Variants in GLP1R observed in about 807,000 individuals in gnomAD.
GLP1R encodes the protein glucagon like peptide 1 receptor.
In GLP1R, 32 loss-of-function variants were observed where a neutral mutation model predicts 68.4. The ratio of observed to expected loss-of-function variants is 0.47; its 90% CI spans 0.35 to 0.63. The LOEUF (loss-of-function observed/expected upper bound fraction) is 0.63, where lower values mean the gene tolerates loss of function less well. Among genes scored for constraint, GLP1R ranks in the 20% least tolerant of loss-of-function variants. The pLI is 0.00. For missense variants in GLP1R, 502 were observed against 594.9 expected, an observed-to-expected ratio of 0.84 and a Z score of 1.62; for synonymous variants, 263 against 244.4, an observed-to-expected ratio of 1.08 and a Z score of -0.71.
chr6:39,054,303 C>T (rs929114669), intron 1 of GLP1R, among the ~76,000 whole-genome samples: 5 of 151,954 alleles, frequency 3.3e-5, no homozygotes, highest in African/African-American at 1.2e-4. Flanking sequence ...AAATACGAGG[C>T]GTGGGAGAGG....
chr6:39,090,074 G>A lies in GLP1R; in HGVS notation c.*4001G>A, dbSNP rs1454307726. Among the ~76,000 whole-genome samples, 7 of 152,192 alleles carry A rather than the reference G, an allele frequency of 4.6e-5. No individual in the cohort carries two copies. The East Asian group carries it at 9.6e-4, about 21-fold the overall frequency. On this transcript the variant is annotated 3_prime_UTR_variant, in exon 13 of 13. Transcript: ENST00000373256. Reference sequence around the variant, plus strand: ...ATGAGTTCCCCTGGGAAAGAAAATCGCCCAAGTGAGAAACTTATGCCAACC... The same window carrying A: ...ATGAGTTCCCCTGGGAAAGAAAATCACCCAAGTGAGAAACTTATGCCAACC...
In GLP1R at chr6:39,079,714, C is replaced by T. The variant is rs1304097259; in HGVS notation, c.1182+12C>T. 1.2e-6 allele frequency: 2 copies of T among 1,609,284 alleles called. No individual in the cohort carries two copies. The highest frequency in any genetic ancestry group is 8.5e-7 in the Non-Finnish European group (1 of 1,176,418). ...TCACCTCCTTCCAGGTGACTTCATG[C>T]TTGGGGACACTTGCTTGTAAAGTCC... On this transcript the variant is annotated intron_variant, in intron 11 of 12. Transcript: ENST00000373256. The surrounding 1 kb of genome is among the most constrained non-coding windows in gnomAD (Gnocchi z 4.5).
chr6:39,081,103 A>T (rs1331868331), intron 12 of GLP1R, among the ~76,000 whole-genome samples: 1 of 151,734 alleles, frequency 6.6e-6, no homozygotes, highest in Non-Finnish European at 1.5e-5. Flanking sequence ...GGCTTTAATA[A>T]TCACTATCTC....
intron 2 of GLP1R, 80 bp downstream of exon 2, chr6:39,056,573 T>C (rs1750881957): frequency 4.0e-6 from 3 of 750,234 alleles, no homozygotes; most frequent in South Asian, 1.6e-5. Context: ...TCAATGTCCA[T>C]GGCTGGGAGC....
Position 39,086,182 on chromosome 6 carries a change from C to T in GLP1R, c.*109C>T, listed in dbSNP as rs1418319687. On this transcript the variant is annotated 3_prime_UTR_variant, in exon 13 of 13. Coordinates refer to ENST00000373256, the MANE Select transcript of GLP1R (RefSeq NM_002062.5). The surrounding 1 kb of genome is among the most constrained non-coding windows in gnomAD (Gnocchi z 4.5). ...GAAGGAAGGGACACACACACACACA[C>T]ACACACACACACACACACACACATA... is the stretch of plus-strand genomic sequence containing the variant. 23 of 703,156 alleles carry T rather than the reference C, an allele frequency of 3.3e-5. 1 individual carries two copies. Among genetic ancestry groups the T allele is most frequent in the African/African-American group, 5.4e-5 (3 of 55,670 alleles). The allele number at this position is 703,156 out of a possible 1,614,324, so 43.6% of individuals were successfully genotyped here. A position where few individuals can be genotyped will look rare whatever the true frequency, so the allele number is the denominator to read the frequency against.
At position 39,079,456 on chromosome 6, in the gene GLP1R, C is replaced by T; in HGVS notation, c.1044-108C>T. 8.6e-7 allele frequency: 1 copy of T among 1,169,366 alleles called. No homozygotes were observed. Among genetic ancestry groups the T allele is most frequent in the Non-Finnish European group, 1.2e-6 (1 of 826,044 alleles). The allele number at this position is 1,169,366 out of a possible 1,614,324, so 72.4% of individuals were successfully genotyped here. On this transcript the variant is annotated intron_variant, in intron 10 of 12. Coordinates refer to ENST00000373256, the MANE Select transcript of GLP1R (RefSeq NM_002062.5). The surrounding 1 kb of genome is among the most constrained non-coding windows in gnomAD (Gnocchi z 4.5). ...AGGGTATTTGGGGTGGGAGAACATC[C>T]ATGACCCAGATATCAGGACTTGGTA...
In GLP1R at chr6:39,049,042, G is replaced by A. The variant is rs1768027021; in HGVS notation, c.78+124G>A. The stretch of plus-strand genomic sequence containing the variant: ...TCCGAGACCGCTGGCGGGGGCATCC[G>A]AAAGCCTCGGGGGGAGTAGGGACTG... On this transcript the variant is annotated intron_variant, in intron 1 of 12. Transcript: ENST00000373256. This position sits in a 1 kb window ranked among gnomAD's most constrained non-coding sequence, Gnocchi z 4.5. 2.0e-6 allele frequency: 1 copy of A among 491,774 alleles called. No individual in the cohort carries two copies. Among genetic ancestry groups the A allele is most frequent in the Non-Finnish European group, 3.5e-6 (1 of 282,922 alleles). The allele number at this position is 491,774 out of a possible 1,614,324, so 30.5% of individuals were successfully genotyped here.
At chr6:39,083,128 C>T (rs1231456533) in intron 12 of GLP1R, among the ~76,000 whole-genome samples, 1 of 152,202 alleles carries the variant, frequency 6.6e-6, no homozygotes, top group Non-Finnish European at 1.5e-5. Flanking sequence ...ACCTCTCTGA[C>T]CAGGCCTGGC....
intron 12 of GLP1R, among the ~76,000 whole-genome samples, chr6:39,084,831 G>A (rs537754925): frequency 6.6e-6 from 1 of 152,312 alleles, no homozygotes; most frequent in East Asian, 1.9e-4. Flanking sequence ...ATAGCTGGAT[G>A]GACGACAAAG....
Position 39,079,214 on chromosome 6 carries a change from G to A in GLP1R, c.1043+14G>A, listed in dbSNP as rs984860594. Reference sequence around the variant, plus strand: ...CATCAAATGCAGGTGATGTAACTGAGCTGGCTTTACTGAGGACCCTCAGCA... The same window carrying A: ...CATCAAATGCAGGTGATGTAACTGAACTGGCTTTACTGAGGACCCTCAGCA... On this transcript the variant is annotated intron_variant, in intron 10 of 12. Coordinates refer to ENST00000373256, the MANE Select transcript of GLP1R (RefSeq NM_002062.5). This position sits in a 1 kb window ranked among gnomAD's most constrained non-coding sequence, Gnocchi z 4.5. The A allele has an allele frequency of 1.3e-6, 2 of 1,588,198 alleles. No individual in the cohort carries two copies. The highest frequency in any genetic ancestry group is 1.7e-6 in the Non-Finnish European group (2 of 1,156,330).
At chr6:39,051,933 T>G (rs1768099206) in intron 1 of GLP1R, among the ~76,000 whole-genome samples, 1 of 150,380 alleles carries the variant, frequency 6.6e-6, no homozygotes, top group Admixed American at 6.6e-5. Flanking sequence ...GGGTGTCAAC[T>G]AGTGTGTGTC....
chr6:39,074,614 C>T (rs1386920800), intron 7 of GLP1R, among the ~76,000 whole-genome samples: 1 of 152,022 alleles, frequency 6.6e-6, no homozygotes, highest in Non-Finnish European at 1.5e-5. Flanking sequence ...TCATTCACTC[C>T]TCCTTCCTTC....
chr6:39,080,182 CCCTG>C (rs36173229), intron 11 of GLP1R, among the ~76,000 whole-genome samples: 81,358 of 151,364 alleles, frequency 0.54, 22,122 homozygotes, highest in African/African-American at 0.55. Context: ...AAAAACTGGT[CCCTG>C]CCTGCCCCTC....
chr6:39,082,156 C>T (rs1769025359), intron 12 of GLP1R, among the ~76,000 whole-genome samples: 1 of 152,158 alleles, frequency 6.6e-6, no homozygotes, highest in Non-Finnish European at 1.5e-5. Flanking sequence ...GAGGCCTCCC[C>T]CTGCTTCTGC....
In GLP1R at chr6:39,084,589, T is replaced by C. The variant is rs182990909; in HGVS notation, c.1225-1317T>C. 1.5e-3 allele frequency among the ~76,000 whole-genome samples: 233 copies of C among 152,316 alleles called. No individual in the cohort carries two copies. The Middle Eastern group carries it at 0.024, about 16-fold the overall frequency. ...AGGGCCCCCATCCCAGCTGTCAGCA[T>C]GCGCTCCCTTCACAAAGACTCAGCC... On this transcript the variant is annotated intron_variant, in intron 12 of 12. Coordinates refer to ENST00000373256, the MANE Select transcript of GLP1R (RefSeq NM_002062.5).
intron 2 of GLP1R, among the ~76,000 whole-genome samples, chr6:39,057,265 T>A (rs1293737378): frequency 2.6e-5 from 4 of 152,194 alleles, no homozygotes; most frequent in Non-Finnish European, 4.4e-5. Context: ...AGACATTAAG[T>A]TACTTGCTCA....
intron 5 of GLP1R, among the ~76,000 whole-genome samples, chr6:39,071,120 G>T (rs974271236): frequency 6.6e-5 from 10 of 152,070 alleles, no homozygotes; most frequent in African/African-American, 2.2e-4. Context: ...GCTGAGGTGG[G>T]TGGATCACAA....
chr6:39,086,340 C>T lies in GLP1R; in HGVS notation c.*267C>T, dbSNP rs10305513. On this transcript the variant is annotated 3_prime_UTR_variant, in exon 13 of 13. Coordinates refer to ENST00000373256, the MANE Select transcript of GLP1R (RefSeq NM_002062.5). The surrounding 1 kb of genome is among the most constrained non-coding windows in gnomAD (Gnocchi z 4.5). ...GTGGCGAGAGGAGAGGAAAAACGAT[C>T]GCTGTGAAAATGAGGAGGATTGCTT... The T allele has an allele frequency of 2.9e-5, 11 of 380,298 alleles. No individual in the cohort carries two copies. Among genetic ancestry groups the T allele is most frequent in the Admixed American group, 8.5e-5 (2 of 23,516 alleles). 23.6% of individuals were successfully genotyped at this position (380,298 alleles called of 1,614,324 possible).
At position 39,078,354 on chromosome 6, in the gene GLP1R, A is replaced by G. The variant is rs761383264; in HGVS notation, c.856A>G (p.Ile286Val). Residue 286 changes from isoleucine to valine, a missense_variant, in exon 8 of 13, where the codon ATT (isoleucine) becomes GTT (valine). Coordinates refer to ENST00000373256, the MANE Select transcript of GLP1R (RefSeq NM_002062.5). ...VPLLFVVPWG[I>V]VKYLYEDEGC... ...CCTGCTGTTTGTTGTCCCCTGGGGC[A>G]TTGTCAAGTACCTCTATGAGGACGA... 38 of 1,612,624 alleles carry G rather than the reference A, an allele frequency of 2.4e-5. No homozygotes were observed. Among genetic ancestry groups the G allele is most frequent in the African/African-American group, 1.9e-4 (14 of 74,762 alleles).
Sources: gnomAD v4.1 joint callset for allele counts (sites outside exome capture counted in the v4.1 genomes callset) on GRCh38, gnomAD v4.1.1 for gene constraint, Gnocchi (gnomAD v3.1) non-coding constraint, MANE v1.5 for transcripts, NCBI Gene and HGNC (gene_info 2026-07-23, HGNC 2026-07-21) for gene names.